GAS2: variants seen among roughly 807,000 people sequenced by gnomAD.
The protein encoded by GAS2 is growth arrest-specific protein 2.
GAS2 carries 20 observed loss-of-function variants against 37.5 expected under a neutral mutation model. The observed-to-expected ratio is 0.53, with a 90% CI of 0.37 to 0.77. GAS2 has a LOEUF of 0.77. Ranked by LOEUF, GAS2 falls within the 30% of genes least tolerant of loss-of-function variation. The probability of loss-of-function intolerance (pLI) is 0.00; values close to 1 mark genes in which losing one functional copy is unlikely to be tolerated. For missense variants in GAS2, 336 were observed against 373.4 expected, an observed-to-expected ratio of 0.90 and a Z score of 0.82; for synonymous variants, 144 against 132.2, an observed-to-expected ratio of 1.09 and a Z score of -0.61.
intron 1 of GAS2, among the ~76,000 whole-genome samples, chr11:22,648,959 T>A (rs1379002232): frequency 6.6e-6 from 1 of 152,048 alleles, no homozygotes; most frequent in African/African-American, 2.4e-5. Context: ...CTATGTTGAA[T>A]AGGAGTGGTG....
chr11:22,809,778 G>GCCA (rs1219695941), intron 7 of GAS2, among the ~76,000 whole-genome samples: 1 of 151,780 alleles, frequency 6.6e-6, no homozygotes, highest in Non-Finnish European at 1.5e-5. Flanking sequence ...ACAGGCATGA[G>GCCA]CCACCACGCC....
chr11:22,642,037 T>G (rs1848636824), intron 1 of GAS2, among the ~76,000 whole-genome samples: 1 of 152,184 alleles, frequency 6.6e-6, no homozygotes, highest in South Asian at 2.1e-4. Context: ...GTGAAGACAT[T>G]AGAATACCTT....
chr11:22,766,329 A>C (rs559471664), intron 7 of GAS2, among the ~76,000 whole-genome samples: 7 of 151,722 alleles, frequency 4.6e-5, no homozygotes, highest in Non-Finnish European at 7.4e-5. Flanking sequence ...AGTGTTAGAG[A>C]GCAAATTGCT....
intron 1 of GAS2, among the ~76,000 whole-genome samples, chr11:22,635,418 C>G (rs1185809886): frequency 6.6e-6 from 1 of 152,164 alleles, no homozygotes; most frequent in African/African-American, 2.4e-5. Context: ...CCTCACCTGG[C>G]CCCTACACAC....
rs557956101 is a variant in GAS2 at position 22,788,111 on chromosome 11, C to T, written c.724-23687C>T. On this transcript the variant is annotated intron_variant, in intron 7 of 7. Transcript: ENST00000454584. ...TGCAAGTAAAAGGAATGTAGCACTA[C>T]GTCTGCTCTATTTGCACTGTTATTA... 4.7e-4 allele frequency among the ~76,000 whole-genome samples: 71 copies of T among 152,206 alleles called. No individual in the cohort carries two copies. In the South Asian group the frequency reaches 5.2e-3, roughly 11 times the overall value.
chr11:22,684,841 A>G (rs1217171134), intron 2 of GAS2, among the ~76,000 whole-genome samples: 1 of 152,206 alleles, frequency 6.6e-6, no homozygotes, highest in Non-Finnish European at 1.5e-5. Context: ...AAATTCTGGG[A>G]TTACAGGCCT....
At chr11:22,770,045 G>A (rs1359685876) in intron 7 of GAS2, among the ~76,000 whole-genome samples, 1 of 152,136 alleles carries the variant, frequency 6.6e-6, no homozygotes, top group East Asian at 1.9e-4. Context: ...ACTAACACAG[G>A]AACAGAAAAC....
chr11:22,731,153 A>G (rs187701293), intron 4 of GAS2, among the ~76,000 whole-genome samples: 6 of 151,950 alleles, frequency 3.9e-5, no homozygotes, highest in Admixed American at 2.0e-4. Flanking sequence ...TGGCCTATCA[A>G]TTTAGAAATT....
intron 6 of GAS2, among the ~76,000 whole-genome samples, chr11:22,751,225 G>A (rs1853708752): frequency 6.6e-6 from 1 of 151,904 alleles, no homozygotes; most frequent in Non-Finnish European, 1.5e-5. Context: ...GAATTTTGAT[G>A]TAGCCATTGT....
At chr11:22,727,622 TA>T (rs1345098972) in intron 4 of GAS2, among the ~76,000 whole-genome samples, 2 of 151,498 alleles carry the variant, frequency 1.3e-5, no homozygotes, top group Non-Finnish European at 2.9e-5. Context: ...TAGACCTGAA[TA>T]AAAAAAAGGA....
chr11:22,653,860 C>A (rs1026632187), intron 1 of GAS2, among the ~76,000 whole-genome samples: 2 of 152,068 alleles, frequency 1.3e-5, no homozygotes, highest in African/African-American at 4.8e-5. Flanking sequence ...GGCAAAAATC[C>A]CAAAAGGCCA....
At chr11:22,715,717 A>G (rs972225640) in intron 3 of GAS2, among the ~76,000 whole-genome samples, 1 of 151,920 alleles carries the variant, frequency 6.6e-6, no homozygotes, top group Non-Finnish European at 1.5e-5. Context: ...TAAAAATGCC[A>G]ACAAAAAAAG....
At chr11:22,695,630 A>T (rs1348209720) in intron 3 of GAS2, among the ~76,000 whole-genome samples, 1 of 152,198 alleles carries the variant, frequency 6.6e-6, no homozygotes, top group Non-Finnish European at 1.5e-5. Context: ...AGCCAATAGC[A>T]AATGCAAGTC....
intron 7 of GAS2, among the ~76,000 whole-genome samples, chr11:22,804,426 A>AAGTTTAAGGAC (rs1856800226): frequency 6.6e-6 from 1 of 152,050 alleles, no homozygotes; most frequent in Non-Finnish European, 1.5e-5. Context: ...ATGAAAAATA[A>AAGTTTAAGGAC]AGTTTAAGGA....
chr11:22,657,196 C>T (rs1590579690), intron 1 of GAS2, among the ~76,000 whole-genome samples: 1 of 152,224 alleles, frequency 6.6e-6, no homozygotes, highest in South Asian at 2.1e-4. Context: ...CATATTGACA[C>T]CTGATAGTTA....
chr11:22,641,984 C>T (rs1226573394), intron 1 of GAS2, among the ~76,000 whole-genome samples: 2 of 152,094 alleles, frequency 1.3e-5, no homozygotes, highest in Non-Finnish European at 2.9e-5. Context: ...GCATTTCTTA[C>T]AGTGTGGGAA....
chr11:22,751,940 A>C (rs960056846), intron 6 of GAS2, among the ~76,000 whole-genome samples: 1 of 152,046 alleles, frequency 6.6e-6, no homozygotes, highest in Non-Finnish European at 1.5e-5. Flanking sequence ...TGGATTTCTC[A>C]GGAGCTTTAA....
intron 3 of GAS2, among the ~76,000 whole-genome samples, chr11:22,718,487 ATAT>A (rs1851792684): frequency 6.7e-6 from 1 of 148,986 alleles, no homozygotes; most frequent in Non-Finnish European, 1.5e-5. Flanking sequence ...CATAAGAATA[ATAT>A]AATGGACTAT....
chr11:22,634,122 A>G (rs781559483), intron 1 of GAS2, among the ~76,000 whole-genome samples: 11 of 152,206 alleles, frequency 7.2e-5, no homozygotes, highest in Non-Finnish European at 1.2e-4. Context: ...CCTCACATTC[A>G]TGGCGGAACA....
Sources: allele counts gnomAD v4.1 joint callset (sites outside exome capture counted in the v4.1 genomes callset), GRCh38; gene constraint gnomAD v4.1.1; transcripts MANE v1.5; gene names NCBI Gene and HGNC (gene_info 2026-07-23, HGNC 2026-07-21).